PTDSS1: variants seen among roughly 807,000 people sequenced by gnomAD.
PTDSS1 encodes phosphatidylserine synthase 1, also known as PSS-1.
In PTDSS1, 45 loss-of-function variants were observed where a neutral mutation model predicts 70.5. The ratio of observed to expected loss-of-function variants is 0.64; its 90% CI spans 0.50 to 0.82. PTDSS1 has a LOEUF of 0.82. PTDSS1 is among the 40% of genes least tolerant of loss of function. PTDSS1 has a pLI of 0.00. For missense variants in PTDSS1, 417 were observed against 586.1 expected, an observed-to-expected ratio of 0.71 and a Z score of 2.98; for synonymous variants, 188 against 203.8, an observed-to-expected ratio of 0.92 and a Z score of 0.66.
intron 12 of PTDSS1, among the ~76,000 whole-genome samples, chr8:96,331,365 C>CA (rs1811513954): frequency 6.6e-6 from 1 of 151,860 alleles, no homozygotes; most frequent in South Asian, 2.1e-4. Context: ...CCCGTCTCTA[C>CA]AAAAAATACA....
chr8:96,334,089 GAA>G lies in PTDSS1; in HGVS notation c.*524_*525del. The G allele has an allele frequency of 2.8e-6, 1 of 362,246 alleles. No individual in the cohort carries two copies. Among genetic ancestry groups the G allele is most frequent in the Non-Finnish European group, 5.0e-6 (1 of 201,954 alleles). 22.4% of individuals were successfully genotyped at this position (362,246 alleles called of 1,614,324 possible). ...TTAGGATGCTTTTTAACAGCCTTTA[GAA>G]GCCGCTGCTGAAATTGATACTGGGG... On this transcript the variant is annotated 3_prime_UTR_variant, in exon 13 of 13. Coordinates refer to ENST00000517309, the MANE Select transcript of PTDSS1 (RefSeq NM_014754.3).
At position 96,303,320 on chromosome 8, in the gene PTDSS1, G is replaced by T. The variant is rs1271681295; in HGVS notation, c.753-720G>T. Reference sequence around the variant, plus strand: ...GGTGGGTGGATGAAGGAACAGCCCTGGTTTCCTATCACTCTCCCTGCTCCC... The same window carrying T: ...GGTGGGTGGATGAAGGAACAGCCCTTGTTTCCTATCACTCTCCCTGCTCCC... On this transcript the variant is annotated intron_variant, in intron 6 of 12. Transcript: ENST00000517309. Among the ~76,000 whole-genome samples the T allele has an allele frequency of 2.0e-5, 3 of 152,210 alleles. No individual in the cohort carries two copies. The East Asian group carries it at 5.8e-4, about 29-fold the overall frequency.
At chr8:96,290,413 T>C (rs913579354) in intron 4 of PTDSS1, among the ~76,000 whole-genome samples, 22 of 152,220 alleles carry the variant, frequency 1.4e-4, no homozygotes, top group Non-Finnish European at 2.8e-4. Flanking sequence ...GATAATGCTC[T>C]TGACACCTGG....
In PTDSS1 at chr8:96,262,221, TG is replaced by T. The variant is rs749187549; in HGVS notation, c.179+6del. The T allele has an allele frequency of 4.8e-6, 6 of 1,257,970 alleles. No homozygotes were observed. In the Admixed American group the frequency reaches 6.6e-5, roughly 14 times the overall value. The allele number at this position is 1,257,970 out of a possible 1,614,324, so 77.9% of individuals were successfully genotyped here. ...CCTCATGTACTTCGCCTTTACCAGG[TG>T]GGGCGGCCCAGCCGAGCGGGGGGCG... On this transcript the variant is annotated splice_donor_region_variant and intron_variant, in intron 1 of 12. Transcript: ENST00000517309. This position sits in a 1 kb window ranked among gnomAD's most constrained non-coding sequence, Gnocchi z 4.4.
In PTDSS1 at chr8:96,287,748, A is replaced by T. The variant is rs140836221; in HGVS notation, c.441+602A>T. Among the ~76,000 whole-genome samples the T allele has an allele frequency of 5.7e-3, 862 of 151,520 alleles. 3 individuals carry two copies. Among genetic ancestry groups the T allele is most frequent in the Non-Finnish European group, 0.011 (715 of 67,840 alleles). ...CATTTGTTACTATTATTTTTATCGA[A>T]CCATACAAAAAAATTTTATTCTTGG... On this transcript the variant is annotated intron_variant, in intron 4 of 12. Transcript: ENST00000517309.
At chr8:96,291,576 G>T (rs1289507453) in intron 4 of PTDSS1, among the ~76,000 whole-genome samples, 1 of 151,542 alleles carries the variant, frequency 6.6e-6, no homozygotes, top group African/African-American at 2.4e-5. Context: ...ATCCAGACAA[G>T]GTTTACACAT....
intron 10 of PTDSS1, among the ~76,000 whole-genome samples, chr8:96,324,188 T>C (rs1811408443): frequency 1.3e-5 from 2 of 152,216 alleles, no homozygotes; most frequent in Non-Finnish European, 2.9e-5. Context: ...GCTACCAGCA[T>C]TCTGGTCGGG....
At chr8:96,276,973 C>G (rs867881974) in intron 2 of PTDSS1, among the ~76,000 whole-genome samples, 1 of 112,036 alleles carries the variant, frequency 8.9e-6, no homozygotes, top group Non-Finnish European at 1.8e-5. Flanking sequence ...CACGCGCGCA[C>G]GCGCGCGCAC....
chr8:96,293,938 C>T (rs1352734868), intron 4 of PTDSS1, among the ~76,000 whole-genome samples: 2 of 152,204 alleles, frequency 1.3e-5, no homozygotes, highest in African/African-American at 4.8e-5. Context: ...CTGTGATTCT[C>T]TGTGACAAGA....
intron 2 of PTDSS1, among the ~76,000 whole-genome samples, chr8:96,276,790 G>A (rs1315698095): frequency 6.6e-6 from 1 of 152,140 alleles, no homozygotes; most frequent in Non-Finnish European, 1.5e-5. Flanking sequence ...CCTGGACCTA[G>A]CGTGCTTTGC....
At chr8:96,269,040 TTATTTTAATCTGTACATTTGG>T (rs1477664084) in intron 1 of PTDSS1, among the ~76,000 whole-genome samples, 2 of 152,228 alleles carry the variant, frequency 1.3e-5, no homozygotes, top group East Asian at 3.9e-4. Context: ...GGGAGCTTTC[TTATTTTAATCTGTACATTTGG>T]TATTTTCACA....
intron 5 of PTDSS1, 129 bp downstream of exon 5, chr8:96,295,385 C>A: frequency 2.0e-6 from 2 of 1,000,232 alleles, no homozygotes; most frequent in Non-Finnish European, 2.7e-6. Flanking sequence ...AGTATTTAAA[C>A]CATCCCATAA....
At chr8:96,282,778 G>A (rs1469195143) in intron 2 of PTDSS1, among the ~76,000 whole-genome samples, 1 of 152,214 alleles carries the variant, frequency 6.6e-6, no homozygotes, top group African/African-American at 2.4e-5. Flanking sequence ...CCTCAGATAG[G>A]ATTCAAGATT....
intron 4 of PTDSS1, 70 bp from the exon 5 acceptor site, chr8:96,295,028 A>G: frequency 7.0e-7 from 1 of 1,419,020 alleles, no homozygotes; most frequent in South Asian, 1.4e-5. Context: ...CTTTTTATTT[A>G]CCGGCAGAAT....
rs1334078790 is a variant in PTDSS1 at position 96,336,945 on chromosome 8, G to A, written c.*3379G>A. ...CAGGAGGTGGAGGTTCCAGTGAGCCGAGATCACGCCACCGCACTCTCTAAC... is the reference window on the plus strand; with the variant it reads ...CAGGAGGTGGAGGTTCCAGTGAGCCAAGATCACGCCACCGCACTCTCTAAC... On this transcript the variant is annotated 3_prime_UTR_variant, in exon 13 of 13. Transcript: ENST00000517309. 6 of 135,610 alleles carry A rather than the reference G, an allele frequency of 4.4e-5. No homozygotes were observed. The highest frequency in any genetic ancestry group is 1.4e-4 in the African/African-American group (5 of 35,142). The allele number at this position is 135,610 out of a possible 1,614,324, so 8.4% of individuals were successfully genotyped here. A position where few individuals can be genotyped will look rare whatever the true frequency, so the allele number is the denominator to read the frequency against.
Position 96,262,004 on chromosome 8 carries a change from G to T in PTDSS1, c.-37G>T. 6.3e-7 allele frequency: 1 copy of T among 1,592,362 alleles called. No homozygotes were observed. Among genetic ancestry groups the T allele is most frequent in the Non-Finnish European group, 8.6e-7 (1 of 1,168,640 alleles). ...CCGGGGTCCCGGCCTTCTCGGGCTG[G>T]GGCCGCCGCCACCGCGGCAGGACGG... On this transcript the variant is annotated 5_prime_UTR_variant, in exon 1 of 13. Transcript: ENST00000517309. This position sits in a 1 kb window ranked among gnomAD's most constrained non-coding sequence, Gnocchi z 4.4.
At chr8:96,326,403 T>A (rs1486347688) in intron 10 of PTDSS1, among the ~76,000 whole-genome samples, 1 of 152,220 alleles carries the variant, frequency 6.6e-6, no homozygotes, top group African/African-American at 2.4e-5. Context: ...ACTGCACTCC[T>A]TGCTCAGAGA....
intron 2 of PTDSS1, 103 bp from the exon 3 acceptor site, chr8:96,284,006 G>T: frequency 1.1e-6 from 1 of 903,774 alleles, no homozygotes. Flanking sequence ...TAACAGTAGA[G>T]AGCTTTTTCT....
intron 9 of PTDSS1, among the ~76,000 whole-genome samples, chr8:96,315,740 T>C (rs1811279012): frequency 6.6e-6 from 1 of 152,168 alleles, no homozygotes; most frequent in Admixed American, 6.5e-5. Context: ...TTAACCCTGC[T>C]AAACCAAGAT....
Sources: gnomAD v4.1 joint callset for allele counts (sites outside exome capture counted in the v4.1 genomes callset) on GRCh38, gnomAD v4.1.1 for gene constraint, Gnocchi (gnomAD v3.1) non-coding constraint, MANE v1.5 for transcripts, NCBI Gene and HGNC (gene_info 2026-07-23, HGNC 2026-07-21) for gene names.